Variants in NEFM observed in about 807,000 individuals in gnomAD.
NEFM encodes neurofilament medium polypeptide.
NEFM carries 16 observed loss-of-function variants against 48.1 expected under a neutral mutation model. The ratio of observed to expected loss-of-function variants is 0.33; its 90% CI spans 0.23 to 0.51. The LOEUF is 0.51. Ranked by LOEUF, NEFM falls within the 20% of genes least tolerant of loss-of-function variation. The probability of loss-of-function intolerance (pLI) is 0.98; values close to 1 mark genes in which losing one functional copy is unlikely to be tolerated. For missense variants in NEFM, 1,107 were observed against 1,136.0 expected (o/e 0.97, Z 0.37); for synonymous variants, 465 against 456.9 (o/e 1.02, Z -0.23).
chr8:24,917,214 CGAG>C lies in NEFM; in HGVS notation c.1363_1365del (p.Glu455del). On this transcript the variant is annotated inframe_deletion, in exon 3 of 3. Coordinates refer to ENST00000221166, the MANE Select transcript of NEFM (RefSeq NM_005382.2). Reference sequence around the variant, plus strand: ...AGCTTAAGGTCCAACACAAATTTGTCGAGGAGATCATAGAGGAAACCAAAGTGG... The same window carrying C: ...AGCTTAAGGTCCAACACAAATTTGTCGAGATCATAGAGGAAACCAAAGTGG... 1 of 1,613,820 alleles carries C rather than the reference CGAG, an allele frequency of 6.2e-7. No homozygotes were observed. Among genetic ancestry groups the C allele is most frequent in the Non-Finnish European group, 8.5e-7 (1 of 1,180,014 alleles).
At position 24,917,894 on chromosome 8, in the gene NEFM, C is replaced by A. The variant is rs867626810; in HGVS notation, c.2039C>A (p.Ser680Tyr). 6 of 1,614,090 alleles carry A rather than the reference C, an allele frequency of 3.7e-6. No individual in the cohort carries two copies. Among genetic ancestry groups the A allele is most frequent in the Middle Eastern group, 1.6e-4 (1 of 6,062 alleles). Residue 680 changes from serine to tyrosine, a missense_variant, in exon 3 of 3, where the codon TCT becomes TAT. Physicochemically the swap from Ser to Tyr is moderately radical, Grantham distance 144. Transcript: ENST00000221166. ...SKSPVEEKAK[S>Y]PVPKSPVEEA... ...TCACCAGTGGAAGAGAAAGCCAAAT[C>A]TCCTGTGCCAAAATCACCAGTGGAA...
At position 24,918,066 on chromosome 8, in the gene NEFM, T is replaced by C; in HGVS notation, c.2211T>C (p.Pro737=). 2 of 1,553,130 alleles carry C rather than the reference T, an allele frequency of 1.3e-6. No homozygotes were observed. The highest frequency in any genetic ancestry group is 1.2e-5 in the South Asian group (1 of 84,318). ...CAGAGAAGAAGAAAGCTGAGTCCCC[T>C]GTAAAGGAGGAAGCTGTGGCAGAGG... ...DVPEKKKAES[P]VKEEAVAEVV... is the part of the protein sequence containing the mutation. The change falls in exon 3 of 3, where the codon CCT becomes CCC. Residue 737 remains proline, a synonymous_variant. Transcript: ENST00000221166.
At position 24,914,264 on chromosome 8, in the gene NEFM, G is replaced by C. The variant is rs888503296; in HGVS notation, c.471G>C (p.Leu157=). 1.9e-6 allele frequency: 3 copies of C among 1,611,864 alleles called. No individual in the cohort carries two copies. In the South Asian group the frequency reaches 3.3e-5, roughly 18 times the overall value. ...GDAYDQEIRE[L]RATLEMVNHE... is the part of the protein sequence containing the mutation. ...CGTACGACCAGGAGATCCGCGAGCT[G>C]CGCGCCACCCTGGAGATGGTGAACC... Residue 157 remains leucine (L), a synonymous_variant, in exon 1 of 3, where the codon CTG becomes CTC. Transcript: ENST00000221166.
rs1172159091 is a variant in NEFM, at chr8:24,913,804, C to T, written c.11C>T (p.Thr4Met). The change falls in exon 1 of 3, where the codon ACG becomes ATG. Residue 4 changes from threonine to methionine, a missense_variant. Thr to Met is a moderately conservative substitution (Grantham distance 81). This residue lies in a region of NEFM where 186 missense variants were observed against 200.6 expected (regional missense o/e 0.93). Coordinates refer to ENST00000221166, the MANE Select transcript of NEFM (RefSeq NM_005382.2). Reference sequence around the variant, plus strand: ...CCCAAGGCCTCCAAGATGAGCTACACGTTGGACTCGCTGGGCAACCCGTCC... The same window carrying T: ...CCCAAGGCCTCCAAGATGAGCTACATGTTGGACTCGCTGGGCAACCCGTCC... MSY[T>M]LDSLGNPSAY... 1.2e-6 allele frequency: 2 copies of T among 1,608,720 alleles called. No homozygotes were observed. The highest frequency in any genetic ancestry group is 1.3e-5 in the African/African-American group (1 of 74,854).
At chr8:24,915,459 C>A in intron 1 of NEFM, 146 bp from the exon 2 acceptor site, 2 of 1,014,178 alleles carry the variant, frequency 2.0e-6, no homozygotes, top group Non-Finnish European at 2.9e-6. Flanking sequence ...GGGGGTGGGA[C>A]GGGGGGCTGG....
In NEFM at chr8:24,918,453, A is replaced by C; in HGVS notation, c.2598A>C (p.Gly866=). 1 of 1,614,036 alleles carries C rather than the reference A, an allele frequency of 6.2e-7. No homozygotes were observed. Among genetic ancestry groups the C allele is most frequent in the Non-Finnish European group, 8.5e-7 (1 of 1,179,970 alleles). The stretch of plus-strand genomic sequence containing the variant: ...TAGAAAAAATCACCAGTGAGGGGGG[A>C]GATGGTGCTACCAAATACATCACTA... ...KTVEKITSEG[G]DGATKYITKS... The change falls in exon 3 of 3, where the codon GGA becomes GGC. Residue 866 remains glycine, a synonymous_variant. Coordinates refer to ENST00000221166, the MANE Select transcript of NEFM (RefSeq NM_005382.2).
Position 24,918,148 on chromosome 8 carries a change from G to A in NEFM, c.2293G>A (p.Gly765Arg). The change falls in exon 3 of 3, where the codon GGG (glycine) becomes AGG (arginine). Residue 765 changes from glycine (G) to arginine (R), a missense_variant. By Grantham distance (125) the Gly-to-Arg change is moderately radical. Transcript: ENST00000221166. ...VHLEKETKEE[G>R]KPLQQEKEKE... Reference sequence around the variant, plus strand: ...CTTGGAGAAAGAGACCAAAGAAGAGGGGAAGCCACTGCAGCAGGAGAAAGA... The same window carrying A: ...CTTGGAGAAAGAGACCAAAGAAGAGAGGAAGCCACTGCAGCAGGAGAAAGA... The A allele has an allele frequency of 6.4e-7, 1 of 1,551,768 alleles. No homozygotes were observed.
Sources: gnomAD v4.1 joint callset for allele counts on GRCh38, gnomAD v4.1.1 for gene constraint, gnomAD v4.1.1 regional missense constraint, MANE v1.5 for transcripts, NCBI Gene and HGNC (gene_info 2026-07-23, HGNC 2026-07-21) for gene names.